The following FRMD4B variants were observed in gnomAD, a reference collection of about 807,000 sequenced individuals.
The protein encoded by FRMD4B is FERM domain-containing protein 4B.
A neutral mutation model predicts 141.5 loss-of-function variants in FRMD4B; 74 were observed. The ratio of observed to expected loss-of-function variants is 0.52; its 90% CI spans 0.43 to 0.63. FRMD4B has a LOEUF of 0.63. FRMD4B is among the 30% of genes least tolerant of loss of function. The probability of loss-of-function intolerance (pLI) is 0.00; values close to 1 mark genes in which losing one functional copy is unlikely to be tolerated. For missense variants in FRMD4B, 1,366 were observed against 1,253.4 expected, an observed-to-expected ratio of 1.09 and a Z score of -1.36; for synonymous variants, 506 against 467.9, an observed-to-expected ratio of 1.08 and a Z score of -1.05.
chr3:69,290,368 C>G (rs1171760639), intron 4 of FRMD4B, among the ~76,000 whole-genome samples: 6 of 152,166 alleles, frequency 3.9e-5, no homozygotes, highest in Non-Finnish European at 7.3e-5. Context: ...TAGAGAGGGA[C>G]AAGAGTCCAC....
intron 1 of FRMD4B, among the ~76,000 whole-genome samples, chr3:69,379,107 C>G (rs1704047978): frequency 6.6e-6 from 1 of 152,182 alleles, no homozygotes; most frequent in African/African-American, 2.4e-5. Flanking sequence ...GTGTTTCTAA[C>G]ACCTTGGCAT....
At chr3:69,188,105 C>T (rs960956666) in intron 18 of FRMD4B, among the ~76,000 whole-genome samples, 188 bp from the exon 19 acceptor site, 16 of 152,018 alleles carry the variant, frequency 1.1e-4, no homozygotes, top group Non-Finnish European at 2.4e-4. Context: ...CCAGAAAAAA[C>T]GAAAATACTG....
intron 1 of FRMD4B, among the ~76,000 whole-genome samples, chr3:69,433,949 G>A (rs1169730977): frequency 6.6e-6 from 1 of 152,116 alleles, no homozygotes; most frequent in Admixed American, 6.6e-5. Context: ...GATAAATGAG[G>A]TACAGAAAGA....
intron 5 of FRMD4B, among the ~76,000 whole-genome samples, chr3:69,283,482 A>C (rs1321379162): frequency 6.6e-6 from 1 of 151,932 alleles, no homozygotes; most frequent in Non-Finnish European, 1.5e-5. Flanking sequence ...CATTCATGAA[A>C]TGCAGTAGCA....
rs547382849 is a variant in FRMD4B at position 69,349,780 on chromosome 3, G to A, written c.162+36048C>T. 8.7e-4 allele frequency among the ~76,000 whole-genome samples: 132 copies of A among 152,288 alleles called. 3 individuals carry two copies. In the South Asian group the frequency reaches 0.018, roughly 20 times the overall value. The stretch of plus-strand genomic sequence containing the variant: ...AAAACTGGCTAACCATATGTAGAAA[G>A]CTGAAATTGGATCCCTTCCTTACAC... On this transcript the variant is annotated intron_variant, in intron 1 of 22. Coordinates refer to ENST00000398540, the MANE Select transcript of FRMD4B (RefSeq NM_015123.3).
intron 7 of FRMD4B, among the ~76,000 whole-genome samples, chr3:69,242,684 C>T (rs1224278746): frequency 7.0e-6 from 1 of 143,524 alleles, no homozygotes; most frequent in Non-Finnish European, 1.5e-5. Context: ...TTTCACCTCT[C>T]AAAATCTTAG....
At chr3:69,325,075 TA>T (rs112470737) in intron 1 of FRMD4B, among the ~76,000 whole-genome samples, 3,892 of 119,838 alleles carry the variant, frequency 0.032, 171 homozygotes, top group East Asian at 0.15. Context: ...AGATACTGTC[TA>T]AAAAAAAAAA....
At chr3:69,198,586 C>T (rs2092932286) in intron 12 of FRMD4B, 112 bp downstream of exon 12, 1 of 666,242 alleles carries the variant, frequency 1.5e-6, no homozygotes, top group Non-Finnish European at 2.7e-6. Flanking sequence ...CCTAGGTATA[C>T]ACCCAAGAGA....
intron 1 of FRMD4B, among the ~76,000 whole-genome samples, chr3:69,327,065 TG>T (rs71618277): frequency 6.6e-6 from 1 of 151,224 alleles, no homozygotes; most frequent in African/African-American, 2.4e-5. Context: ...GGGTTGGGGG[TG>T]GGGGGATTTT....
intron 1 of FRMD4B, among the ~76,000 whole-genome samples, chr3:69,540,650 TATATATATATACACACACACAC>T (rs1228488895): frequency 4.9e-5 from 4 of 81,508 alleles, no homozygotes; most frequent in African/African-American, 2.1e-4. Flanking sequence ...TATATATATA[TATATATATATACACACACACAC>T]ACACACACAC....
rs769154404 is a variant in FRMD4B at position 69,187,858 on chromosome 3, T to A, written c.1831A>T (p.Ile611Phe). ...RSSSVPHSPRILPPKSLGIER... is the reference protein window; with the variant it reads ...RSSSVPHSPRFLPPKSLGIER... The stretch of plus-strand genomic sequence containing the variant: ...ATACCAAGAGACTTGGGGGGAAGAA[T>A]TCTTGGAGAATGAGGTACTGAACTT... Residue 611 changes from isoleucine (I) to phenylalanine (F), a missense_variant, in exon 19 of 23, where the codon ATT (isoleucine) becomes TTT (phenylalanine). Transcript: ENST00000398540. 65 of 1,610,874 alleles carry A rather than the reference T, an allele frequency of 4.0e-5. 1 individual carries two copies. The South Asian group carries it at 6.7e-4, about 17-fold the overall frequency.
At chr3:69,260,300 C>T (rs912479283) in intron 5 of FRMD4B, among the ~76,000 whole-genome samples, 2 of 152,188 alleles carry the variant, frequency 1.3e-5, no homozygotes, top group Non-Finnish European at 2.9e-5. Flanking sequence ...GGCTGTGCAC[C>T]GTGTTCGCGA....
intron 1 of FRMD4B, among the ~76,000 whole-genome samples, chr3:69,485,649 C>A (rs1003856493): frequency 6.6e-6 from 1 of 152,238 alleles, no homozygotes; most frequent in African/African-American, 2.4e-5. Flanking sequence ...CTGGCCCAGC[C>A]CCCTCACAGC....
intron 14 of FRMD4B, 133 bp downstream of exon 14, chr3:69,196,122 C>A: frequency 1.5e-6 from 1 of 679,618 alleles, no homozygotes; most frequent in Non-Finnish European, 2.5e-6. Flanking sequence ...TCAAAGCTGT[C>A]GCATACATAC....
In FRMD4B at chr3:69,302,370, C is replaced by T. The variant is rs1343664540; in HGVS notation, c.389G>A (p.Gly130Asp). The change falls in exon 4 of 23, where the codon GGC becomes GAC. Residue 130 changes from glycine (G) to aspartate (D), a missense_variant. Coordinates refer to ENST00000398540, the MANE Select transcript of FRMD4B (RefSeq NM_015123.3). ...CACAGCAAAGTGCAAAATGGTTGGG[C>T]CTGGTTTCTTGGGCAAATCGTGGTC... is the stretch of plus-strand genomic sequence containing the variant. Reference protein sequence around the residue: ...VLDHDLPKKPGPTILHFAVRF... With the variant: ...VLDHDLPKKPDPTILHFAVRF... 2 of 1,607,230 alleles carry T rather than the reference C, an allele frequency of 1.2e-6. No individual in the cohort carries two copies. The highest frequency in any genetic ancestry group is 8.5e-7 in the Non-Finnish European group (1 of 1,175,092).
chr3:69,496,239 G>C (rs1231602734), intron 1 of FRMD4B, among the ~76,000 whole-genome samples: 1 of 152,154 alleles, frequency 6.6e-6, no homozygotes, highest in Non-Finnish European at 1.5e-5. Flanking sequence ...GCAAGTTATT[G>C]TGAATGCTTT....
intron 1 of FRMD4B, among the ~76,000 whole-genome samples, chr3:69,385,504 AT>A (rs1163296171): frequency 1.3e-5 from 2 of 152,130 alleles, no homozygotes; most frequent in African/African-American, 4.8e-5. Context: ...ACTCATTTGA[AT>A]GTCTAAGTGG....
chr3:69,335,451 C>T (rs1386437139), intron 1 of FRMD4B, among the ~76,000 whole-genome samples: 1 of 148,962 alleles, frequency 6.7e-6, no homozygotes, highest in Non-Finnish European at 1.5e-5. Flanking sequence ...TGGCTCACTG[C>T]AACCTCCACC....
chr3:69,529,875 A>G (rs1008548809), intron 1 of FRMD4B, among the ~76,000 whole-genome samples: 2 of 152,198 alleles, frequency 1.3e-5, no homozygotes, highest in Non-Finnish European at 1.5e-5. Flanking sequence ...GTAGTAGTGG[A>G]ATTAGGAGAC....
Sources: allele counts gnomAD v4.1 joint callset (sites outside exome capture counted in the v4.1 genomes callset), GRCh38; gene constraint gnomAD v4.1.1; transcripts MANE v1.5; gene names NCBI Gene and HGNC (gene_info 2026-07-23, HGNC 2026-07-21).